Variants in TAFA1 observed in about 807,000 individuals in gnomAD.
TAFA1 encodes the protein TAFA chemokine like family member 1.
A neutral mutation model predicts 18.5 loss-of-function variants in TAFA1; 4 were observed. The ratio of observed to expected loss-of-function variants is 0.22; its 90% CI spans 0.11 to 0.49. The LOEUF is 0.49. TAFA1 is among the 20% of genes least tolerant of loss of function. The pLI, the probability that TAFA1 is intolerant of heterozygous loss-of-function variation, is 0.98. For synonymous variants in TAFA1, 56 were observed against 55.2 expected, an observed-to-expected ratio of 1.01 and a Z score of -0.06; for missense variants, 147 against 169.0, an observed-to-expected ratio of 0.87 and a Z score of 0.72.
At chr3:68,201,592 T>A (rs1484886426) in intron 2 of TAFA1, among the ~76,000 whole-genome samples, 1 of 151,806 alleles carries the variant, frequency 6.6e-6, no homozygotes, top group Non-Finnish European at 1.5e-5. Flanking sequence ...GATTATTATG[T>A]CTTCTTGGAG....
intron 3 of TAFA1, among the ~76,000 whole-genome samples, chr3:68,538,184 A>G (rs9814117): frequency 0.66 from 99,604 of 151,884 alleles, 33,735 homozygotes; most frequent in South Asian, 0.82. Flanking sequence ...GTCAATTTTC[A>G]GTTCTACAAT....
chr3:68,319,595 T>C (rs183064895), intron 2 of TAFA1, among the ~76,000 whole-genome samples: 4 of 152,386 alleles, frequency 2.6e-5, no homozygotes, highest in Non-Finnish European at 5.9e-5. Flanking sequence ...GTCACATGGA[T>C]ACGCATTGCT....
chr3:68,304,857 C>T (rs2068375201), intron 2 of TAFA1, among the ~76,000 whole-genome samples: 1 of 151,974 alleles, frequency 6.6e-6, no homozygotes, highest in South Asian at 2.1e-4. Context: ...TGGGTGTTTT[C>T]ATTTTTCGTG....
chr3:68,413,660 T>G (rs2070758994), intron 2 of TAFA1, among the ~76,000 whole-genome samples: 1 of 152,180 alleles, frequency 6.6e-6, no homozygotes, highest in Non-Finnish European at 1.5e-5. Context: ...ATCCATGTTC[T>G]GGAAGAGTTT....
At chr3:68,031,269 G>T (rs974284626) in intron 2 of TAFA1, among the ~76,000 whole-genome samples, 3 of 152,100 alleles carry the variant, frequency 2.0e-5, no homozygotes, top group Non-Finnish European at 4.4e-5. Flanking sequence ...TTTGTATTGA[G>T]AAATTGATGT....
intron 2 of TAFA1, among the ~76,000 whole-genome samples, chr3:68,090,525 C>T (rs371409895): frequency 2.0e-5 from 3 of 152,148 alleles, no homozygotes; most frequent in South Asian, 4.1e-4. Context: ...TTGTTCCCCT[C>T]CACCTGTGAC....
chr3:68,139,747 C>A (rs1316383891), intron 2 of TAFA1, among the ~76,000 whole-genome samples: 8 of 152,128 alleles, frequency 5.3e-5, no homozygotes, highest in Admixed American at 3.9e-4. Context: ...ACAGGAATCC[C>A]AAGCAATCAA....
At chr3:68,489,612 A>G (rs911669658) in intron 3 of TAFA1, among the ~76,000 whole-genome samples, 3 of 152,166 alleles carry the variant, frequency 2.0e-5, no homozygotes, top group Admixed American at 6.5e-5. Context: ...ATAATAAAAC[A>G]TTCTTCTTTT....
intron 2 of TAFA1, among the ~76,000 whole-genome samples, chr3:68,084,838 A>C (rs1310136333): frequency 6.6e-6 from 1 of 151,514 alleles, no homozygotes; most frequent in Admixed American, 6.6e-5. Context: ...AACAAAAAGT[A>C]GCCCCCATAC....
chr3:68,113,702 A>T (rs2065288467), intron 2 of TAFA1, among the ~76,000 whole-genome samples: 1 of 152,110 alleles, frequency 6.6e-6, no homozygotes, highest in African/African-American at 2.4e-5. Flanking sequence ...AGTATTAAGA[A>T]AAAAAGAAAG....
At chr3:68,224,825 G>A (rs933215652) in intron 2 of TAFA1, among the ~76,000 whole-genome samples, 13 of 150,852 alleles carry the variant, frequency 8.6e-5, no homozygotes, top group Middle Eastern at 3.5e-3. Context: ...AGGGGGTTAC[G>A]AGCCAGGAGG....
At chr3:68,335,697 G>A (rs755558136) in intron 2 of TAFA1, among the ~76,000 whole-genome samples, 6 of 152,034 alleles carry the variant, frequency 3.9e-5, no homozygotes, top group Non-Finnish European at 8.8e-5. Context: ...GGTTGAGTTC[G>A]CTTTTAAGAA....
intron 2 of TAFA1, among the ~76,000 whole-genome samples, chr3:68,041,903 AT>A (rs1438243426): frequency 2.2e-4 from 33 of 152,194 alleles, no homozygotes; most frequent in African/African-American, 6.8e-4. Flanking sequence ...TTCACATACC[AT>A]GGCTTGAAAA....
At chr3:68,077,093 G>A (rs2064834194) in intron 2 of TAFA1, among the ~76,000 whole-genome samples, 1 of 149,614 alleles carries the variant, frequency 6.7e-6, no homozygotes, top group Non-Finnish European at 1.5e-5. Context: ...TTTTTTGGCT[G>A]CATAAATGTC....
rs1423332686 is a variant in TAFA1, at chr3:68,544,818, TA to T, written c.*316del. The T allele has an allele frequency of 6.4e-6, 1 of 155,744 alleles. No homozygotes were observed. Among genetic ancestry groups the T allele is most frequent in the African/African-American group, 2.4e-5 (1 of 41,386 alleles). 9.6% of individuals were successfully genotyped at this position (155,744 alleles called of 1,614,324 possible). On this transcript the variant is annotated 3_prime_UTR_variant, in exon 5 of 5. Coordinates refer to ENST00000478136, the MANE Select transcript of TAFA1 (RefSeq NM_213609.4). ...GTACCATTTGAAATATATGTATATA[TA>T]TATATATAATATTTTGAAATATTAT...
intron 3 of TAFA1, among the ~76,000 whole-genome samples, chr3:68,455,411 C>A (rs1432054033): frequency 2.0e-5 from 3 of 152,034 alleles, no homozygotes; most frequent in Non-Finnish European, 2.9e-5. Context: ...CTCTACCCAC[C>A]ATTTGCTTTA....
chr3:68,176,250 G>A (rs931931715), intron 2 of TAFA1, among the ~76,000 whole-genome samples: 4 of 152,210 alleles, frequency 2.6e-5, no homozygotes, highest in African/African-American at 9.6e-5. Flanking sequence ...GGGAGGTCAA[G>A]GTGGGAGAAT....
intron 3 of TAFA1, among the ~76,000 whole-genome samples, chr3:68,474,313 A>G (rs1215057091): frequency 1.3e-5 from 2 of 152,180 alleles, no homozygotes; most frequent in Admixed American, 1.3e-4. Flanking sequence ...AAGGGGCTAG[A>G]AACAGGGGTT....
intron 2 of TAFA1, among the ~76,000 whole-genome samples, chr3:68,118,654 A>C (rs1047348513): frequency 6.6e-6 from 1 of 152,188 alleles, no homozygotes; most frequent in Non-Finnish European, 1.5e-5. Flanking sequence ...GACTTATTTC[A>C]CGTAGCATAA....
Sources: gnomAD v4.1 joint callset for allele counts (sites outside exome capture counted in the v4.1 genomes callset) on GRCh38, gnomAD v4.1.1 for gene constraint, MANE v1.5 for transcripts, NCBI Gene and HGNC (gene_info 2026-07-23, HGNC 2026-07-21) for gene names.